Variants in CAST observed in about 807,000 individuals in gnomAD.
The protein encoded by CAST is MIR583 host.
In CAST, 76 loss-of-function variants were observed where a neutral mutation model predicts 119.6. The ratio of observed to expected loss-of-function variants is 0.64; its 90% CI spans 0.53 to 0.77. The LOEUF (loss-of-function observed/expected upper bound fraction) is 0.77. Among genes scored for constraint, CAST ranks in the 30% least tolerant of loss-of-function variants. CAST has a pLI of 0.00. For synonymous variants in CAST, 319 were observed against 331.6 expected (o/e 0.96, Z 0.41); for missense variants, 953 against 946.5 (o/e 1.01, Z -0.09).
the CAST span, among the ~76,000 whole-genome samples, chr5:96,373,408 A>G: frequency 6.6e-6 from 1 of 152,262 alleles, no homozygotes; most frequent in South Asian, 2.1e-4. Flanking sequence ...GACAAACCCA[A>G]CAGAACTCTT....
intron 22 of CAST, among the ~76,000 whole-genome samples, chr5:96,756,969 G>T (rs1766453208): frequency 6.6e-6 from 1 of 152,148 alleles, no homozygotes; most frequent in South Asian, 2.1e-4. Context: ...CTGTTGTATT[G>T]CCAATGCTTA....
At chr5:96,218,118 G>C in the CAST span, among the ~76,000 whole-genome samples, 1 of 152,102 alleles carries the variant, frequency 6.6e-6, no homozygotes, top group Non-Finnish European at 1.5e-5. Flanking sequence ...TGTTTAAAAG[G>C]TTTTGCATGG....
chr5:96,692,683 T>TG (rs1482530089), intron 2 of CAST, among the ~76,000 whole-genome samples: 1 of 152,154 alleles, frequency 6.6e-6, no homozygotes, highest in Non-Finnish European at 1.5e-5. Flanking sequence ...AAATGTCACT[T>TG]CCTCATCCAT....
chr5:96,272,377 G>A, the CAST span, among the ~76,000 whole-genome samples: 2 of 151,820 alleles, frequency 1.3e-5, no homozygotes, highest in African/African-American at 4.8e-5. Context: ...GCCCACCCAG[G>A]GATGAATAAA....
the CAST span, among the ~76,000 whole-genome samples, chr5:96,280,777 T>C: frequency 1.3e-5 from 2 of 152,154 alleles, no homozygotes; most frequent in South Asian, 4.1e-4. Context: ...TTTTTTTTCT[T>C]AACTGTTGTC....
At chr5:96,735,019 G>C (rs972872880) in intron 9 of CAST, among the ~76,000 whole-genome samples, 2 of 152,098 alleles carry the variant, frequency 1.3e-5, no homozygotes, top group Non-Finnish European at 2.9e-5. Flanking sequence ...GAGAGAACAT[G>C]AGTGAATATC....
chr5:96,760,154 A>G (rs1767436703), intron 24 of CAST, among the ~76,000 whole-genome samples: 2 of 152,000 alleles, frequency 1.3e-5, no homozygotes, highest in Admixed American at 1.3e-4. Context: ...TGCTAATCTT[A>G]AAATCTGACA....
At chr5:95,961,891 C>T in the CAST span, 2 of 846,546 alleles carry the variant, frequency 2.4e-6, no homozygotes, top group Non-Finnish European at 3.4e-6. Context: ...CCGCCACCCG[C>T]CCCACCCTCC....
At chr5:96,290,097 G>A in the CAST span, among the ~76,000 whole-genome samples, 2 of 152,068 alleles carry the variant, frequency 1.3e-5, no homozygotes, top group Non-Finnish European at 2.9e-5. Context: ...TTTTGGTCAC[G>A]AGTCCAAAAA....
intron 6 of CAST, 85 bp from the exon 7 acceptor site, chr5:96,729,068 A>C: frequency 1.2e-6 from 1 of 852,706 alleles, no homozygotes; most frequent in Non-Finnish European, 1.9e-6. Context: ...AGAATGTTTT[A>C]GTTGGAATTT....
intron 1 of CAST, among the ~76,000 whole-genome samples, chr5:96,622,712 G>A (rs549199552): frequency 6.6e-6 from 1 of 152,088 alleles, no homozygotes; most frequent in African/African-American, 2.4e-5. Context: ...TCTGTCTCAA[G>A]ATTTAAAAAC....
rs1759951753 is a variant in CAST, at chr5:96,729,216, G to T, written c.435+7G>T. ...GCCAAAAGAACACACAGAGGTAAAT[G>T]ATTATCATCAGGACTTAATTATAAG... On this transcript the variant is annotated splice_region_variant and intron_variant, in intron 7 of 31. Transcript: ENST00000675179. 1 of 1,531,770 alleles carries T rather than the reference G, an allele frequency of 6.5e-7. No individual in the cohort carries two copies. Among genetic ancestry groups the T allele is most frequent in the South Asian group, 1.1e-5 (1 of 88,454 alleles). The allele number at this position is 1,531,770 out of a possible 1,614,324, so 94.9% of individuals were successfully genotyped here.
chr5:96,028,445 A>T, the CAST span, among the ~76,000 whole-genome samples: 1 of 152,048 alleles, frequency 6.6e-6, no homozygotes, highest in Non-Finnish European at 1.5e-5. Flanking sequence ...AAGCTTAATG[A>T]TGTATTTCAT....
At chr5:96,179,660 A>AGAG in the CAST span, among the ~76,000 whole-genome samples, 1 of 152,212 alleles carries the variant, frequency 6.6e-6, no homozygotes, top group Non-Finnish European at 1.5e-5. Context: ...GACAAAGCAG[A>AGAG]GAGGGGTATT....
At chr5:96,412,516 C>T in the CAST span, 1 of 1,605,726 alleles carries the variant, frequency 6.2e-7, no homozygotes, top group Admixed American at 1.7e-5. Context: ...AACAAAGACA[C>T]ACAAAGGTTG....
chr5:96,759,265 G>C (rs528598793), intron 24 of CAST, among the ~76,000 whole-genome samples: 1 of 152,090 alleles, frequency 6.6e-6, no homozygotes, highest in Non-Finnish European at 1.5e-5. Context: ...CATAATTAGT[G>C]TTCATCTGTA....
chr5:96,268,911 C>T, the CAST span, among the ~76,000 whole-genome samples: 1 of 152,094 alleles, frequency 6.6e-6, no homozygotes, highest in African/African-American at 2.4e-5. Context: ...GCAGCAGTTT[C>T]CCCCAATGCT....
chr5:96,460,499 C>T, the CAST span, among the ~76,000 whole-genome samples: 4 of 151,290 alleles, frequency 2.6e-5, no homozygotes, highest in Non-Finnish European at 5.9e-5. Flanking sequence ...ACCTGTGTAA[C>T]AAACCTGCAC....
the CAST span, among the ~76,000 whole-genome samples, chr5:95,988,087 G>T: frequency 3.1e-4 from 47 of 152,094 alleles, 1 homozygote; most frequent in Admixed American, 6.5e-5. Context: ...CAGGTAAGTA[G>T]CAAGACTTAC....
Sources: gnomAD v4.1 joint callset for allele counts (sites outside exome capture counted in the v4.1 genomes callset) on GRCh38, gnomAD v4.1.1 for gene constraint, MANE v1.5 for transcripts, NCBI Gene and HGNC (gene_info 2026-07-23, HGNC 2026-07-21) for gene names.